Variants in GOLM2 observed in about 807,000 individuals in gnomAD.
GOLM2 encodes the protein golgi membrane protein 2.
A neutral mutation model predicts 55.9 loss-of-function variants in GOLM2; 26 were observed. The observed-to-expected ratio is 0.47, with a 90% CI of 0.34 to 0.65. The LOEUF is 0.65. GOLM2 is among the 30% of genes least tolerant of loss of function. The probability of loss-of-function intolerance (pLI) is 0.01; values close to 1 mark genes in which losing one functional copy is unlikely to be tolerated. For synonymous variants in GOLM2, 165 were observed against 194.6 expected (o/e 0.85, Z 1.27); for missense variants, 486 against 531.8 (o/e 0.91, Z 0.85).
chr15:44,352,764 G>A (rs984629024), intron 6 of GOLM2, among the ~76,000 whole-genome samples: 2 of 151,968 alleles, frequency 1.3e-5, no homozygotes, highest in Non-Finnish European at 2.9e-5. Context: ...AAATTACCTG[G>A]GCATAGTGGC....
At chr15:44,320,012 G>T (rs913937812) in intron 1 of GOLM2, among the ~76,000 whole-genome samples, 31 of 152,244 alleles carry the variant, frequency 2.0e-4, no homozygotes, top group Admixed American at 2.0e-3. Context: ...TATCACCATG[G>T]TCTAATTCCA....
intron 9 of GOLM2, among the ~76,000 whole-genome samples, chr15:44,410,727 C>T (rs1279939081): frequency 6.8e-6 from 1 of 146,298 alleles, no homozygotes; most frequent in Non-Finnish European, 1.5e-5. Context: ...GAAACCCTGT[C>T]TCTACAAAAA....
chr15:44,413,706 AATAG>A lies in GOLM2; in HGVS notation c.*304_*307del, dbSNP rs2079654215. ...TTTATTGAGCCGACTTATTTCCACA[AATAG>A]ATAAACAGGACAAAATAGTTGTACA... On this transcript the variant is annotated 3_prime_UTR_variant, in exon 10 of 10. Coordinates refer to ENST00000299957, the MANE Select transcript of GOLM2 (RefSeq NM_138423.4). The A allele has an allele frequency of 7.7e-6, 2 of 261,082 alleles. No homozygotes were observed. Among genetic ancestry groups the A allele is most frequent in the African/African-American group, 2.2e-5 (1 of 44,770 alleles). The allele number at this position is 261,082 out of a possible 1,614,324, so 16.2% of individuals were successfully genotyped here. A position where few individuals can be genotyped will look rare whatever the true frequency, so the allele number is the denominator to read the frequency against.
At chr15:44,374,752 A>G (rs780566775) in intron 6 of GOLM2, among the ~76,000 whole-genome samples, 3 of 152,182 alleles carry the variant, frequency 2.0e-5, no homozygotes, top group Non-Finnish European at 4.4e-5. Flanking sequence ...AGACAGCACT[A>G]TGGGGATGGT....
intron 6 of GOLM2, among the ~76,000 whole-genome samples, chr15:44,377,982 A>G (rs1212514706): frequency 2.0e-5 from 3 of 150,600 alleles, no homozygotes; most frequent in Non-Finnish European, 4.4e-5. Context: ...TATTTTTCCA[A>G]GTTTTCTATA....
At position 44,400,458 on chromosome 15, in the gene GOLM2, C is replaced by T. The variant is rs1410011772; in HGVS notation, c.1073-2429C>T. On this transcript the variant is annotated intron_variant, in intron 8 of 9. Coordinates refer to ENST00000299957, the MANE Select transcript of GOLM2 (RefSeq NM_138423.4). Reference sequence around the variant, plus strand: ...CTCAGCCTCCCAAGTAGCTGGATTACAGGCATGCGCCACCATGCCTGCCTA... The same window carrying T: ...CTCAGCCTCCCAAGTAGCTGGATTATAGGCATGCGCCACCATGCCTGCCTA... Among the ~76,000 whole-genome samples, 3 of 150,862 alleles carry T rather than the reference C, an allele frequency of 2.0e-5. No individual in the cohort carries two copies. The Admixed American group carries it at 2.0e-4, about 10-fold the overall frequency.
intron 4 of GOLM2, among the ~76,000 whole-genome samples, chr15:44,333,470 A>G (rs533075219): frequency 1.3e-5 from 2 of 152,276 alleles, no homozygotes; most frequent in African/African-American, 4.8e-5. Flanking sequence ...GAATCTACAA[A>G]GTGGAATACC....
At chr15:44,352,532 C>T (rs964198668) in intron 6 of GOLM2, among the ~76,000 whole-genome samples, 16 of 152,190 alleles carry the variant, frequency 1.1e-4, no homozygotes, top group African/African-American at 3.9e-4. Flanking sequence ...AGTAAAACCC[C>T]ACAAACACAG....
At chr15:44,293,326 G>A (rs1250051176) in intron 1 of GOLM2, among the ~76,000 whole-genome samples, 1 of 152,140 alleles carries the variant, frequency 6.6e-6, no homozygotes, top group Non-Finnish European at 1.5e-5. Flanking sequence ...ACATAAGTAT[G>A]ATGCATTTGT....
At chr15:44,403,371 A>G (rs2079578553) in intron 9 of GOLM2, among the ~76,000 whole-genome samples, 1 of 152,124 alleles carries the variant, frequency 6.6e-6, no homozygotes, top group African/African-American at 2.4e-5. Context: ...CATGTTGGTC[A>G]GGCTGGTCTC....
intron 1 of GOLM2, among the ~76,000 whole-genome samples, chr15:44,320,648 C>CGG (rs200396843): frequency 1.3e-5 from 2 of 152,088 alleles, no homozygotes; most frequent in East Asian, 1.9e-4. Flanking sequence ...ACCCAGGACT[C>CGG]GGGGGGGTGA....
chr15:44,291,135 G>T (rs1374017253), intron 1 of GOLM2, among the ~76,000 whole-genome samples: 1 of 146,910 alleles, frequency 6.8e-6, no homozygotes, highest in African/African-American at 2.5e-5. Context: ...AAGAGACAGG[G>T]TCTCATTGTG....
intron 9 of GOLM2, chr15:44,405,233 G>C (rs767031543): frequency 6.6e-6 from 1 of 152,122 alleles, no homozygotes; most frequent in Non-Finnish European, 1.5e-5. Flanking sequence ...CCGATACTAA[G>C]GAATATAAGG....
chr15:44,291,752 T>C (rs2078722062), intron 1 of GOLM2, among the ~76,000 whole-genome samples: 1 of 152,230 alleles, frequency 6.6e-6, no homozygotes, highest in African/African-American at 2.4e-5. Flanking sequence ...GGGACTCTGT[T>C]ATTGAGCCTT....
rs950816029 is a variant in GOLM2, at chr15:44,292,439, A to AC, written c.327+3085dup. 1.3e-3 allele frequency among the ~76,000 whole-genome samples: 202 copies of AC among 152,158 alleles called. 1 individual carries two copies. The highest frequency in any genetic ancestry group is 4.6e-3 in the African/African-American group (193 of 41,512). On this transcript the variant is annotated intron_variant, in intron 1 of 9. Coordinates refer to ENST00000299957, the MANE Select transcript of GOLM2 (RefSeq NM_138423.4). The stretch of plus-strand genomic sequence containing the variant: ...TCTCGATCTCCTGACCTCGTGATCC[A>AC]CCAGCCTTGGCCTCCCAAAGTGCTG...
intron 6 of GOLM2, among the ~76,000 whole-genome samples, chr15:44,365,126 G>A (rs1416531790): frequency 6.6e-6 from 1 of 152,168 alleles, no homozygotes; most frequent in Non-Finnish European, 1.5e-5. Context: ...GCCAAAACTT[G>A]AAAACAACCA....
At chr15:44,294,942 G>T (rs953999205) in intron 1 of GOLM2, among the ~76,000 whole-genome samples, 16 of 151,572 alleles carry the variant, frequency 1.1e-4, no homozygotes, top group African/African-American at 2.9e-4. Context: ...TATGCTCGTT[G>T]CTACTATAAG....
chr15:44,358,248 G>A (rs1350618175), intron 6 of GOLM2, among the ~76,000 whole-genome samples: 2 of 152,204 alleles, frequency 1.3e-5, no homozygotes, highest in African/African-American at 4.8e-5. Context: ...CAGCTACTCA[G>A]AAGGCTAAGG....
At chr15:44,407,691 C>T (rs1338063137) in intron 9 of GOLM2, among the ~76,000 whole-genome samples, 2 of 152,028 alleles carry the variant, frequency 1.3e-5, no homozygotes, top group Non-Finnish European at 1.5e-5. Flanking sequence ...TCAAGCTATC[C>T]ACTTCCCTCA....
Sources: allele counts gnomAD v4.1 joint callset (sites outside exome capture counted in the v4.1 genomes callset), GRCh38; gene constraint gnomAD v4.1.1; transcripts MANE v1.5; gene names NCBI Gene and HGNC (gene_info 2026-07-23, HGNC 2026-07-21).